The following RIMS2 variants were observed in gnomAD, a reference collection of about 807,000 sequenced individuals.
The protein encoded by RIMS2 is regulating synaptic membrane exocytosis 2.
Under a neutral mutation model 174.4 loss-of-function variants are expected in RIMS2, and 59 were observed. The observed-to-expected ratio is 0.34, with a 90% confidence interval of 0.27 to 0.42. RIMS2 has a LOEUF of 0.42. Ranked by LOEUF, RIMS2 falls within the 10% of genes least tolerant of loss-of-function variation. The pLI, the probability that RIMS2 is intolerant of heterozygous loss-of-function variation, is 1.00. For synonymous variants in RIMS2, 606 were observed against 572.5 expected, an observed-to-expected ratio of 1.06 and a Z score of -0.84; for missense variants, 1,620 against 1,666.3, an observed-to-expected ratio of 0.97 and a Z score of 0.48.
chr8:103,553,152 T>C (rs922656545), intron 1 of RIMS2, among the ~76,000 whole-genome samples: 4 of 152,044 alleles, frequency 2.6e-5, no homozygotes, highest in Non-Finnish European at 5.9e-5. Context: ...CACATGTGTG[T>C]TTATTGTGGC....
chr8:103,763,350 C>G (rs2098132672), intron 2 of RIMS2, among the ~76,000 whole-genome samples: 1 of 151,500 alleles, frequency 6.6e-6, no homozygotes, highest in Non-Finnish European at 1.5e-5. Context: ...GCAGGAGATT[C>G]ATTTTAACTT....
intron 2 of RIMS2, among the ~76,000 whole-genome samples, chr8:103,741,585 G>A (rs1235784783): frequency 6.6e-6 from 1 of 152,000 alleles, no homozygotes; most frequent in African/African-American, 2.4e-5. Context: ...TACCAAAAAA[G>A]CTGTACCAAG....
At chr8:104,179,798 T>A (rs1319863065) in intron 19 of RIMS2, among the ~76,000 whole-genome samples, 4 of 151,812 alleles carry the variant, frequency 2.6e-5, no homozygotes, top group African/African-American at 9.7e-5. Context: ...CTTTTATTTT[T>A]AAAAAGTCAA....
At chr8:103,937,684 C>T (rs558574560) in intron 13 of RIMS2, among the ~76,000 whole-genome samples, 1 of 152,060 alleles carries the variant, frequency 6.6e-6, no homozygotes, top group East Asian at 1.9e-4. Context: ...GAGTGAAATT[C>T]CTGAAGAGGA....
At chr8:103,980,287 C>G (rs913958684) in intron 16 of RIMS2, among the ~76,000 whole-genome samples, 4 of 152,058 alleles carry the variant, frequency 2.6e-5, no homozygotes, top group Admixed American at 2.0e-4. Flanking sequence ...AAGAAGCCCC[C>G]GTTCTAGGCC....
chr8:103,693,041 G>C (rs13257824), intron 1 of RIMS2, among the ~76,000 whole-genome samples: 26,759 of 152,056 alleles, frequency 0.18, 2,562 homozygotes, highest in African/African-American at 0.23. Flanking sequence ...CTTACCTTTG[G>C]TTGAACTCTG....
At chr8:104,027,951 G>A (rs116364776) in intron 19 of RIMS2, among the ~76,000 whole-genome samples, 2 of 151,984 alleles carry the variant, frequency 1.3e-5, no homozygotes, top group African/African-American at 4.8e-5. Flanking sequence ...ATTTTATTTA[G>A]AGAAAGGGTC....
intron 2 of RIMS2, among the ~76,000 whole-genome samples, chr8:103,730,344 G>A (rs1001191932): frequency 1.1e-4 from 17 of 152,004 alleles, no homozygotes; most frequent in African/African-American, 3.6e-4. Context: ...CCAGTGTTGG[G>A]TGATTATATA....
intron 19 of RIMS2, among the ~76,000 whole-genome samples, chr8:104,181,605 G>A (rs879659808): frequency 2.0e-5 from 3 of 151,466 alleles, no homozygotes; most frequent in Non-Finnish European, 4.4e-5. Context: ...ACAAATGTTT[G>A]TTTAATTTCA....
intron 17 of RIMS2, among the ~76,000 whole-genome samples, chr8:104,012,470 T>C (rs2095794913): frequency 6.6e-6 from 1 of 152,040 alleles, no homozygotes; most frequent in South Asian, 2.1e-4. Flanking sequence ...AATGCTTTCT[T>C]GACTGTCTAT....
At chr8:103,594,475 G>A (rs1329688870) in intron 1 of RIMS2, among the ~76,000 whole-genome samples, 3 of 151,612 alleles carry the variant, frequency 2.0e-5, no homozygotes, top group African/African-American at 7.3e-5. Flanking sequence ...CACACAAAAA[G>A]CCTATGAGTT....
chr8:103,674,043 C>T (rs1315226430), intron 1 of RIMS2, among the ~76,000 whole-genome samples: 1 of 152,222 alleles, frequency 6.6e-6, no homozygotes, highest in Non-Finnish European at 1.5e-5. Flanking sequence ...CCACAGGTCC[C>T]TAGGACATGA....
At chr8:103,711,164 G>A (rs1044017489) in intron 2 of RIMS2, among the ~76,000 whole-genome samples, 20 of 152,108 alleles carry the variant, frequency 1.3e-4, no homozygotes, top group African/African-American at 4.8e-4. Context: ...CAAAAGAAAG[G>A]TACATTCCTC....
chr8:103,771,003 G>GA (rs1564575600), intron 3 of RIMS2, among the ~76,000 whole-genome samples: 1 of 152,152 alleles, frequency 6.6e-6, no homozygotes. Flanking sequence ...AGAAAAGTAT[G>GA]TTACTCTTTT....
intron 1 of RIMS2, among the ~76,000 whole-genome samples, chr8:103,573,815 G>A (rs1174209040): frequency 1.3e-5 from 2 of 152,102 alleles, no homozygotes; most frequent in Non-Finnish European, 2.9e-5. Flanking sequence ...GATATTTAAT[G>A]TTATTGATTC....
intron 15 of RIMS2, among the ~76,000 whole-genome samples, chr8:103,971,819 C>A: frequency 6.6e-6 from 1 of 152,208 alleles, no homozygotes; most frequent in African/African-American, 2.4e-5. Context: ...GATCTTCCCA[C>A]CTTGGCCTCC....
chr8:103,765,945 T>C (rs1460204317), intron 2 of RIMS2, among the ~76,000 whole-genome samples: 1 of 152,102 alleles, frequency 6.6e-6, no homozygotes, highest in African/African-American at 2.4e-5. Flanking sequence ...ATGCCTCTAA[T>C]TTAAATAAAA....
At chr8:103,621,482 A>G (rs907112172) in intron 1 of RIMS2, among the ~76,000 whole-genome samples, 37 of 152,272 alleles carry the variant, frequency 2.4e-4, no homozygotes, top group African/African-American at 8.7e-4. Context: ...GGAATAGGCT[A>G]TGACCTAATG....
At chr8:103,674,614 C>T (rs1237007970) in intron 1 of RIMS2, among the ~76,000 whole-genome samples, 1 of 151,848 alleles carries the variant, frequency 6.6e-6, no homozygotes, top group Non-Finnish European at 1.5e-5. Flanking sequence ...TCACTAAAAA[C>T]ATATCTTACT....
Sources: gnomAD v4.1 joint callset for allele counts (sites outside exome capture counted in the v4.1 genomes callset) on GRCh38, gnomAD v4.1.1 for gene constraint, MANE v1.5 for transcripts, NCBI Gene and HGNC (gene_info 2026-07-23, HGNC 2026-07-21) for gene names.